XYLT1: variants seen among roughly 807,000 people sequenced by gnomAD.
XYLT1 encodes beta-D-xylosyltransferase 1.
A neutral mutation model predicts 91.3 loss-of-function variants in XYLT1; 36 were observed. The ratio of observed to expected loss-of-function variants is 0.39; its 90% confidence interval spans 0.30 to 0.52. The LOEUF (loss-of-function observed/expected upper bound fraction) is 0.52, where lower values mean the gene tolerates loss of function less well. XYLT1 is among the 20% of genes least tolerant of loss of function. The pLI is 0.68. For synonymous variants in XYLT1, 588 were observed against 532.0 expected (o/e 1.11, Z -1.45); for missense variants, 1,242 against 1,284.5 (o/e 0.97, Z 0.51).
In XYLT1 at chr16:17,183,723, G is replaced by A. The variant is rs182900478; in HGVS notation, c.1289+14489C>T. Among the ~76,000 whole-genome samples the A allele has an allele frequency of 2.0e-3, 307 of 152,282 alleles. 1 individual carries two copies. The highest frequency in any genetic ancestry group is 7.2e-3 in the African/African-American group (298 of 41,542). ...TATGATTAGCTACTGGAGTATGGCA[G>A]GTCTTAAAAGGCTTTCCCAGGCATC... On this transcript the variant is annotated intron_variant, in intron 5 of 11. Coordinates refer to ENST00000261381, the MANE Select transcript of XYLT1 (RefSeq NM_022166.4).
chr16:17,114,867 CAG>C (rs1466931885), intron 11 of XYLT1, among the ~76,000 whole-genome samples: 2 of 151,750 alleles, frequency 1.3e-5, no homozygotes, highest in Non-Finnish European at 2.9e-5. Context: ...TTTTTTGAGA[CAG>C]AGTCTCGCTT....
intron 1 of XYLT1, among the ~76,000 whole-genome samples, chr16:17,457,725 TTC>T (rs1437805321): frequency 1.3e-5 from 2 of 152,218 alleles, no homozygotes; most frequent in African/African-American, 4.8e-5. Flanking sequence ...CTCAGTGTCT[TTC>T]ATAACAGCTG....
intron 1 of XYLT1, among the ~76,000 whole-genome samples, chr16:17,438,685 C>T (rs2036493658): frequency 6.6e-6 from 1 of 152,064 alleles, no homozygotes; most frequent in African/African-American, 2.4e-5. Flanking sequence ...CTTCAGAAGA[C>T]TTACAATCAT....
At chr16:17,280,339 C>T (rs2034038833) in intron 2 of XYLT1, among the ~76,000 whole-genome samples, 2 of 152,106 alleles carry the variant, frequency 1.3e-5, no homozygotes, top group African/African-American at 4.8e-5. Flanking sequence ...GACAGAGCAA[C>T]ACTCTGTGTC....
Position 17,379,761 on chromosome 16 carries a change from T to TCA in XYLT1, c.364-21712_364-21711insTG, listed in dbSNP as rs1466780792. ...CTCTCTCTCTCTCTCTCTCTCTCTC[T>TCA]CTCACACACACACACACACACACAC... On this transcript the variant is annotated intron_variant, in intron 1 of 11. Transcript: ENST00000261381. 1.6e-4 allele frequency among the ~76,000 whole-genome samples: 19 copies of TCA among 117,730 alleles called. No individual in the cohort carries two copies. The East Asian group carries it at 1.9e-3, about 12-fold the overall frequency. 77.2% of individuals were successfully genotyped at this position (117,730 alleles called of 152,430 possible).
intron 8 of XYLT1, chr16:17,137,477 CCATT>C (rs1439256325): frequency 1.3e-5 from 2 of 152,266 alleles, no homozygotes; most frequent in Non-Finnish European, 2.9e-5. Context: ...ATTCGCTTAA[CCATT>C]CAGTGGCACT....
At chr16:17,434,879 A>T (rs972697552) in intron 1 of XYLT1, among the ~76,000 whole-genome samples, 1 of 152,122 alleles carries the variant, frequency 6.6e-6, no homozygotes, top group Non-Finnish European at 1.5e-5. Flanking sequence ...AAGAAAAAAA[A>T]AAAAAGAAGA....
At chr16:17,164,440 T>C (rs577685593) in intron 5 of XYLT1, among the ~76,000 whole-genome samples, 7 of 152,300 alleles carry the variant, frequency 4.6e-5, no homozygotes, top group East Asian at 3.9e-4. Context: ...TGGATTCACA[T>C]TGTTGTGCAA....
intron 1 of XYLT1, among the ~76,000 whole-genome samples, chr16:17,438,851 CCA>C (rs2036495883): frequency 1.3e-5 from 2 of 152,042 alleles, no homozygotes; most frequent in Non-Finnish European, 2.9e-5. Flanking sequence ...CAATCACCTC[CCA>C]CCAGGCCCCT....
At chr16:17,213,836 C>A (rs1365717798) in intron 3 of XYLT1, among the ~76,000 whole-genome samples, 1 of 152,128 alleles carries the variant, frequency 6.6e-6, no homozygotes, top group Non-Finnish European at 1.5e-5. Context: ...CCAGGCTGGT[C>A]TTGAACCCCT....
At chr16:17,210,679 G>A (rs185188218) in intron 3 of XYLT1, among the ~76,000 whole-genome samples, 46 of 152,288 alleles carry the variant, frequency 3.0e-4, no homozygotes, top group Middle Eastern at 6.8e-3. Context: ...CCCAGTGCTG[G>A]GATTACAGGT....
chr16:17,409,147 C>A (rs2036073833), intron 1 of XYLT1, among the ~76,000 whole-genome samples: 1 of 152,156 alleles, frequency 6.6e-6, no homozygotes, highest in Admixed American at 6.5e-5. Flanking sequence ...CCAAAGTGTA[C>A]CAGAACCTCC....
chr16:17,302,346 C>T (rs184696149), intron 2 of XYLT1, among the ~76,000 whole-genome samples: 52 of 152,244 alleles, frequency 3.4e-4, no homozygotes, highest in Non-Finnish European at 6.5e-4. Context: ...CAGGGGACAC[C>T]GTCGTAGCAG....
chr16:17,387,201 C>T (rs1358607224), intron 1 of XYLT1, among the ~76,000 whole-genome samples: 1 of 152,198 alleles, frequency 6.6e-6, no homozygotes, highest in East Asian at 1.9e-4. Context: ...CATAGACCCT[C>T]TTATCTGTAC....
chr16:17,111,310 T>A (rs1342109626), intron 11 of XYLT1, among the ~76,000 whole-genome samples: 1 of 152,212 alleles, frequency 6.6e-6, no homozygotes, highest in Admixed American at 6.5e-5. Context: ...AGCTAAACAC[T>A]TCTATTATTT....
At chr16:17,276,423 C>T (rs1397808533) in intron 2 of XYLT1, among the ~76,000 whole-genome samples, 2 of 152,244 alleles carry the variant, frequency 1.3e-5, no homozygotes, top group East Asian at 3.8e-4. Flanking sequence ...AGTGCCTACA[C>T]TCAAGCTTTT....
At chr16:17,208,978 T>C (rs2032710004) in intron 3 of XYLT1, among the ~76,000 whole-genome samples, 2 of 152,178 alleles carry the variant, frequency 1.3e-5, no homozygotes, top group South Asian at 4.1e-4. Flanking sequence ...CAGCCCACCT[T>C]GGCCTCCCAA....
intron 5 of XYLT1, among the ~76,000 whole-genome samples, chr16:17,173,730 G>A (rs890267657): frequency 3.9e-5 from 6 of 152,376 alleles, no homozygotes; most frequent in African/African-American, 1.4e-4. Flanking sequence ...ACAGCTTGAC[G>A]TGCTGCTGTT....
intron 5 of XYLT1, among the ~76,000 whole-genome samples, chr16:17,168,301 G>A (rs1188256222): frequency 3.3e-5 from 5 of 152,210 alleles, no homozygotes; most frequent in Admixed American, 2.6e-4. Context: ...CAATATGGAT[G>A]CAGATGGAGG....
Sources: allele counts gnomAD v4.1 joint callset (sites outside exome capture counted in the v4.1 genomes callset), GRCh38; gene constraint gnomAD v4.1.1; transcripts MANE v1.5; gene names NCBI Gene and HGNC (gene_info 2026-07-23, HGNC 2026-07-21).